The following REDIC1 variants were observed in gnomAD, a reference collection of about 807,000 sequenced individuals.
REDIC1 encodes the protein regulator of DNA class I crossover intermediates 1.
chr12:39,783,767 T>C, the REDIC1 span, among the ~76,000 whole-genome samples: 2 of 152,028 alleles, frequency 1.3e-5, no homozygotes, highest in East Asian at 1.9e-4. Context: ...GGATATTAGA[T>C]GGGTAGGAAG....
the REDIC1 span, among the ~76,000 whole-genome samples, chr12:39,869,319 C>A: frequency 1.3e-5 from 2 of 152,084 alleles, no homozygotes; most frequent in African/African-American, 4.8e-5. Context: ...TCTAGTAGGA[C>A]CTATTTAATC....
At chr12:39,739,554 T>TA in the REDIC1 span, among the ~76,000 whole-genome samples, 3 of 152,208 alleles carry the variant, frequency 2.0e-5, no homozygotes, top group Admixed American at 2.0e-4. Context: ...AATATTGAGT[T>TA]AAAATATGTC....
chr12:39,896,213 T>C, the REDIC1 span, among the ~76,000 whole-genome samples: 1 of 148,680 alleles, frequency 6.7e-6, no homozygotes, highest in Non-Finnish European at 1.5e-5. Context: ...TACATGTATA[T>C]ACGTATACAT....
chr12:39,702,856 C>T, the REDIC1 span, among the ~76,000 whole-genome samples: 5 of 152,164 alleles, frequency 3.3e-5, no homozygotes, highest in Admixed American at 2.0e-4. Context: ...TCAATAGATG[C>T]AGAAAAGTCC....
the REDIC1 span, among the ~76,000 whole-genome samples, chr12:39,784,190 C>T: frequency 3.9e-5 from 6 of 152,140 alleles, no homozygotes; most frequent in African/African-American, 1.2e-4. Flanking sequence ...CATCAAGCTA[C>T]CAATGACTTT....
At chr12:39,718,644 T>G in the REDIC1 span, among the ~76,000 whole-genome samples, 1 of 152,116 alleles carries the variant, frequency 6.6e-6, no homozygotes, top group Non-Finnish European at 1.5e-5. Context: ...CTTGCTTCCC[T>G]TCCTAATAAA....
the REDIC1 span, among the ~76,000 whole-genome samples, chr12:39,816,728 TC>T: frequency 6.6e-6 from 1 of 152,064 alleles, no homozygotes; most frequent in Non-Finnish European, 1.5e-5. Flanking sequence ...AATAAGCCTG[TC>T]CTTTCATGGG....
At chr12:39,692,014 A>G in the REDIC1 span, 2 of 1,510,586 alleles carry the variant, frequency 1.3e-6, no homozygotes, top group Admixed American at 3.8e-5. Context: ...TATTATGTAT[A>G]CTTAGGAATT....
chr12:39,691,497 TA>T, the REDIC1 span, among the ~76,000 whole-genome samples: 2 of 151,958 alleles, frequency 1.3e-5, no homozygotes, highest in African/African-American at 4.8e-5. Flanking sequence ...TGAAATCAAC[TA>T]AAAAGAGATA....
the REDIC1 span, among the ~76,000 whole-genome samples, chr12:39,687,702 A>G: frequency 3.3e-5 from 5 of 152,342 alleles, no homozygotes; most frequent in East Asian, 9.6e-4. Context: ...TCATCTTTCA[A>G]CATGAAAATG....
At chr12:39,705,691 A>G in the REDIC1 span, among the ~76,000 whole-genome samples, 1 of 152,146 alleles carries the variant, frequency 6.6e-6, no homozygotes, top group African/African-American at 2.4e-5. Flanking sequence ...CATCATAATA[A>G]CAGAATGAAG....
chr12:39,647,011 A>G, the REDIC1 span: 2 of 595,414 alleles, frequency 3.4e-6, no homozygotes, highest in Non-Finnish European at 5.6e-6. Context: ...TAATTCTTTT[A>G]AAAGCTTTCC....
the REDIC1 span, among the ~76,000 whole-genome samples, chr12:39,895,545 T>C: frequency 4.2e-3 from 339 of 80,596 alleles, 43 homozygotes; most frequent in African/African-American, 0.014. Context: ...TATATATATA[T>C]ATATATACAC....
the REDIC1 span, among the ~76,000 whole-genome samples, chr12:39,875,858 T>C: frequency 6.6e-6 from 1 of 152,226 alleles, no homozygotes; most frequent in Non-Finnish European, 1.5e-5. Context: ...ATGGGCTACC[T>C]ACCACTGAGT....
the REDIC1 span, among the ~76,000 whole-genome samples, chr12:39,893,141 C>A: frequency 6.6e-6 from 1 of 152,038 alleles, no homozygotes; most frequent in African/African-American, 2.4e-5. Flanking sequence ...TGAGAGTTAT[C>A]AAAAATAAGA....
chr12:39,869,424 C>T, the REDIC1 span, among the ~76,000 whole-genome samples: 2 of 152,220 alleles, frequency 1.3e-5, no homozygotes, highest in South Asian at 4.1e-4. Context: ...CCAGGACTTC[C>T]ACCTCTCAAA....
chr12:39,718,420 G>T, the REDIC1 span, among the ~76,000 whole-genome samples: 4 of 152,060 alleles, frequency 2.6e-5, no homozygotes, highest in Non-Finnish European at 5.9e-5. Flanking sequence ...TGACTCTAGG[G>T]GCAAAGCACT....
the REDIC1 span, among the ~76,000 whole-genome samples, chr12:39,767,636 T>G: frequency 2.6e-5 from 4 of 152,160 alleles, no homozygotes; most frequent in East Asian, 7.8e-4. Flanking sequence ...AATCTGTTGT[T>G]TAGTATAGCC....
chr12:39,877,068 A>G, the REDIC1 span, among the ~76,000 whole-genome samples: 1 of 152,204 alleles, frequency 6.6e-6, no homozygotes, highest in Non-Finnish European at 1.5e-5. Context: ...ATGCCATTAC[A>G]TTAAAAGAGG....
Sources: gnomAD v4.1 joint callset for allele counts (sites outside exome capture counted in the v4.1 genomes callset) on GRCh38, gnomAD v4.1.1 for gene constraint, MANE v1.5 for transcripts, NCBI Gene and HGNC (gene_info 2026-07-23, HGNC 2026-07-21) for gene names.